ANK1: variants seen among roughly 807,000 people sequenced by gnomAD.
The protein encoded by ANK1 is ankyrin 1.
A neutral mutation model predicts 210.4 loss-of-function variants in ANK1; 51 were observed. The ratio of observed to expected loss-of-function variants is 0.24; its 90% CI spans 0.19 to 0.31. The LOEUF (loss-of-function observed/expected upper bound fraction) is 0.31. Among genes scored for constraint, ANK1 ranks in the 10% least tolerant of loss-of-function variants. The pLI, the probability that ANK1 is intolerant of heterozygous loss-of-function variation, is 1.00. For missense variants in ANK1, 2,051 were observed against 2,504.4 expected, an observed-to-expected ratio of 0.82 and a Z score of 3.86; for synonymous variants, 967 against 1,025.9, an observed-to-expected ratio of 0.94 and a Z score of 1.10.
At chr8:41,677,692 C>T (rs533634216) in intron 37 of ANK1, among the ~76,000 whole-genome samples, 118 of 151,504 alleles carry the variant, frequency 7.8e-4, no homozygotes, top group African/African-American at 2.5e-3. Flanking sequence ...TGGGCTCAAG[C>T]GATTCTCCTG....
At chr8:41,797,798 C>T (rs778385984), upstream of ANK1, among the ~76,000 whole-genome samples, 4 of 152,022 alleles carry the variant, frequency 2.6e-5, no homozygotes, top group South Asian at 2.1e-4. The surrounding 1 kb of genome is among the most constrained non-coding windows in gnomAD (Gnocchi z 4.0). Flanking sequence ...CCCCAGGCCT[C>T]GGCCGGCGCG....
intron 2 of ANK1, among the ~76,000 whole-genome samples, chr8:41,736,969 G>GA (rs1366291608): frequency 5.3e-5 from 8 of 152,064 alleles, no homozygotes; most frequent in Admixed American, 4.6e-4. Context: ...GGATTTCCCA[G>GA]AAAAAAGGAG....
chr8:41,702,844 AGAGTTCACTCTGT>A (rs887288350), intron 20 of ANK1, among the ~76,000 whole-genome samples: 4 of 152,018 alleles, frequency 2.6e-5, no homozygotes, highest in Non-Finnish European at 4.4e-5. Flanking sequence ...TGTGTGAGAC[AGAGTTCACTCTGT>A]CACCCAAGCT....
At chr8:41,798,558 C>A (rs1165639255), upstream of ANK1, among the ~76,000 whole-genome samples, 1 of 152,360 alleles carries the variant, frequency 6.6e-6, no homozygotes, top group Non-Finnish European at 1.5e-5. Flanking sequence ...GCCCGTCCAA[C>A]AACGGGATGA....
At chr8:41,697,977 A>T in intron 24 of ANK1, 66 bp downstream of exon 24, 1 of 1,515,554 alleles carries the variant, frequency 6.6e-7, no homozygotes, top group Non-Finnish European at 9.1e-7. Context: ...GCCACCCCTC[A>T]ACAATCACTG....
intron 3 of ANK1, among the ~76,000 whole-genome samples, chr8:41,730,415 G>A (rs1301201440): frequency 6.6e-6 from 1 of 152,130 alleles, no homozygotes; most frequent in Admixed American, 6.5e-5. Context: ...GACCAGCCTG[G>A]GAAACAGTGA....
intron 24 of ANK1, among the ~76,000 whole-genome samples, chr8:41,697,230 T>A (rs475842): frequency 6.6e-6 from 1 of 152,124 alleles, no homozygotes; most frequent in African/African-American, 2.4e-5. Context: ...TTGGAGCCCA[T>A]GAGGTGAACA....
At chr8:41,846,974 A>G (rs1810185054) in intron 1 of ANK1, among the ~76,000 whole-genome samples, 1 of 152,194 alleles carries the variant, frequency 6.6e-6, no homozygotes, top group Non-Finnish European at 1.5e-5. Context: ...ACAGAGTACC[A>G]TTACCATCGC....
At position 41,690,411 on chromosome 8, in the gene ANK1, A is replaced by G. The variant is rs748302875; in HGVS notation, c.3984+63T>C. On this transcript the variant is annotated intron_variant, in intron 32 of 42. Coordinates refer to ENST00000289734, the MANE Select transcript of ANK1 (RefSeq NM_000037.4). ...TCTAGGCCACCCGGCTGTCTGGTTT[A>G]GGGAATTCTGCCTCCCCAACTTTCT... 9 of 1,614,086 alleles carry G rather than the reference A, an allele frequency of 5.6e-6. No homozygotes were observed. In the African/African-American group the frequency reaches 8.0e-5, roughly 14 times the overall value.
intron 38 of ANK1, among the ~76,000 whole-genome samples, chr8:41,668,873 A>C (rs1017289972): frequency 6.6e-6 from 1 of 152,008 alleles, no homozygotes; most frequent in Non-Finnish European, 1.5e-5. Flanking sequence ...TAATGGTCCA[A>C]ACACTGGGGC....
At chr8:41,732,759 C>T (rs549133870) in intron 3 of ANK1, among the ~76,000 whole-genome samples, 1 of 148,888 alleles carries the variant, frequency 6.7e-6, no homozygotes, top group East Asian at 2.0e-4. Context: ...GATGGAGTTT[C>T]ACTCTGTCAC....
At chr8:41,875,871 C>T (rs985932414) in intron 1 of ANK1, among the ~76,000 whole-genome samples, 3 of 152,152 alleles carry the variant, frequency 2.0e-5, no homozygotes, top group East Asian at 1.9e-4. Flanking sequence ...GCAGCCGGCA[C>T]GAGAAAGGAA....
intron 37 of ANK1, among the ~76,000 whole-genome samples, chr8:41,675,996 A>G (rs13266210): frequency 0.21 from 32,239 of 152,168 alleles, 3,523 homozygotes; most frequent in Middle Eastern, 0.27. Context: ...GATATATCAC[A>G]GTTTGTAAAT....
chr8:41,748,855 G>A (rs942205524), intron 2 of ANK1, among the ~76,000 whole-genome samples: 3 of 152,176 alleles, frequency 2.0e-5, no homozygotes, highest in East Asian at 1.9e-4. Context: ...CTAACACAGT[G>A]AAATCCCGTC....
intron 2 of ANK1, among the ~76,000 whole-genome samples, chr8:41,752,309 T>C (rs1262059398): frequency 2.0e-5 from 3 of 152,004 alleles, no homozygotes; most frequent in African/African-American, 7.3e-5. Flanking sequence ...TGGCACAGAG[T>C]GGGTGTTTAA....
intron 2 of ANK1, among the ~76,000 whole-genome samples, chr8:41,745,063 G>C (rs1267841390): frequency 6.6e-6 from 1 of 151,434 alleles, no homozygotes; most frequent in Non-Finnish European, 1.5e-5. Flanking sequence ...ACAGAAAAAG[G>C]TGGAGGGGAA....
intron 42 of ANK1, among the ~76,000 whole-genome samples, chr8:41,658,165 C>T (rs11785586): frequency 4.6e-5 from 7 of 152,282 alleles, no homozygotes; most frequent in Admixed American, 6.5e-5. Context: ...TCACTATGCC[C>T]GGCCCTAGAC....
chr8:41,704,497 A>T lies in ANK1; in HGVS notation c.2098-25T>A. On this transcript the variant is annotated intron_variant, in intron 18 of 42. Transcript: ENST00000289734. The surrounding 1 kb of genome is among the most constrained non-coding windows in gnomAD (Gnocchi z 4.1). ...TCTGAAAAGCAGATGAGAAGGAGTG[A>T]CCGGAGCTGTCCTGAGCTGGGCATC... 1.3e-6 allele frequency: 2 copies of T among 1,593,062 alleles called. No homozygotes were observed. The highest frequency in any genetic ancestry group is 1.7e-6 in the Non-Finnish European group (2 of 1,160,784).
At chr8:41,658,897 T>TATAAATAAATAA (rs71239072) in intron 42 of ANK1, among the ~76,000 whole-genome samples, 34 of 148,668 alleles carry the variant, frequency 2.3e-4, no homozygotes, top group Non-Finnish European at 2.7e-4. Flanking sequence ...CCTCTCAAAA[T>TATAAATAAATAA]ATAAATAAAT....
Sources: gnomAD v4.1 joint callset for allele counts (sites outside exome capture counted in the v4.1 genomes callset) on GRCh38, gnomAD v4.1.1 for gene constraint, Gnocchi (gnomAD v3.1) non-coding constraint, MANE v1.5 for transcripts, NCBI Gene and HGNC (gene_info 2026-07-23, HGNC 2026-07-21) for gene names.